MTSS1: variants seen among roughly 807,000 people sequenced by gnomAD.
The protein encoded by MTSS1 is protein MTSS 1.
In MTSS1, 18 loss-of-function variants were observed where a neutral mutation model predicts 79.0. The observed-to-expected ratio is 0.23, with a 90% CI of 0.16 to 0.34. The LOEUF (loss-of-function observed/expected upper bound fraction) is 0.34, where lower values mean the gene tolerates loss of function less well. Ranked by LOEUF, MTSS1 falls within the 10% of genes least tolerant of loss-of-function variation. The pLI is 1.00. For synonymous variants in MTSS1, 341 were observed against 368.6 expected (o/e 0.93, Z 0.86); for missense variants, 815 against 986.2 (o/e 0.83, Z 2.33).
In MTSS1 at chr8:124,589,728, G is replaced by A; in HGVS notation, c.294-17C>T. 6.6e-7 allele frequency: 1 copy of A among 1,521,954 alleles called. No homozygotes were observed. Among genetic ancestry groups the A allele is most frequent in the Non-Finnish European group, 9.1e-7 (1 of 1,102,984 alleles). 94.3% of individuals were successfully genotyped at this position (1,521,954 alleles called of 1,614,324 possible). A position where few individuals can be genotyped will look rare whatever the true frequency, so the allele number is the denominator to read the frequency against. ...ATTAAAGCGCTTTTACCAAGCGGGG[G>A]GGAAAAAGGGAGAAATTAAATAGAT... On this transcript the variant is annotated splice_polypyrimidine_tract_variant and intron_variant, in intron 4 of 13. Transcript: ENST00000518547.
intron 3 of MTSS1, among the ~76,000 whole-genome samples, chr8:124,675,625 A>G (rs1182474754): frequency 1.3e-5 from 2 of 152,198 alleles, no homozygotes; most frequent in East Asian, 3.9e-4. Flanking sequence ...CCCAAAATAA[A>G]CCCCCATGGC....
At chr8:124,624,159 C>T (rs1052364475) in intron 3 of MTSS1, among the ~76,000 whole-genome samples, 14 of 152,164 alleles carry the variant, frequency 9.2e-5, no homozygotes, top group Admixed American at 9.2e-4. Flanking sequence ...TGTCACTGTG[C>T]GAAGACTCAT....
At chr8:124,687,299 C>A (rs1020392891) in intron 3 of MTSS1, among the ~76,000 whole-genome samples, 2 of 152,142 alleles carry the variant, frequency 1.3e-5, no homozygotes, top group Non-Finnish European at 2.9e-5. Context: ...CCGGTAGGAC[C>A]ACCTGGACCA....
chr8:124,553,833 T>C lies in MTSS1; in HGVS notation c.1568-141A>G. 1.3e-6 allele frequency: 1 copy of C among 740,824 alleles called. No homozygotes were observed. The highest frequency in any genetic ancestry group is 2.1e-6 in the Non-Finnish European group (1 of 466,828). The allele number at this position is 740,824 out of a possible 1,614,324, so 45.9% of individuals were successfully genotyped here. On this transcript the variant is annotated intron_variant, in intron 13 of 13. Coordinates refer to ENST00000518547, the MANE Select transcript of MTSS1 (RefSeq NM_014751.6). This position sits in a 1 kb window ranked among gnomAD's most constrained non-coding sequence, Gnocchi z 6.0. ...GCTTCCCCCAGGCTTCTCTACCATC[T>C]TCAGAAAGCCTCACCAACTAAGAAC...
At chr8:124,616,371 T>TAA (rs68110053) in intron 3 of MTSS1, among the ~76,000 whole-genome samples, 60 of 119,622 alleles carry the variant, frequency 5.0e-4, no homozygotes, top group African/African-American at 1.5e-3. Flanking sequence ...TTTCAGGCAG[T>TAA]AAAAAAAAAA....
At chr8:124,689,967 G>A (rs1025984477) in intron 3 of MTSS1, among the ~76,000 whole-genome samples, 1 of 152,086 alleles carries the variant, frequency 6.6e-6, no homozygotes, top group Non-Finnish European at 1.5e-5. Context: ...GAGAAGAGGG[G>A]AGAATTGTCA....
intron 3 of MTSS1, among the ~76,000 whole-genome samples, chr8:124,609,647 A>G (rs1835443942): frequency 6.6e-6 from 1 of 152,190 alleles, no homozygotes; most frequent in South Asian, 2.1e-4. Flanking sequence ...GCATTCTCAC[A>G]CTTAATGCGC....
chr8:124,556,735 GCTT>G (rs1823902985), intron 11 of MTSS1, among the ~76,000 whole-genome samples: 1 of 152,262 alleles, frequency 6.6e-6, no homozygotes, highest in East Asian at 1.9e-4. Flanking sequence ...AGTACATCGT[GCTT>G]CTCCTGTCTG....
chr8:124,558,773 G>A (rs748219582), intron 10 of MTSS1: 2 of 1,584,090 alleles, frequency 1.3e-6, no homozygotes, highest in Non-Finnish European at 1.7e-6. Context: ...TGGGGGAGCT[G>A]CACTCGCTCA....
At chr8:124,595,580 C>T (rs1832617754) in intron 3 of MTSS1, among the ~76,000 whole-genome samples, 1 of 152,148 alleles carries the variant, frequency 6.6e-6, no homozygotes, top group Non-Finnish European at 1.5e-5. Context: ...ATTTTCCTGC[C>T]TCCTTCTTAT....
chr8:124,648,216 T>G (rs1819326351), intron 3 of MTSS1, among the ~76,000 whole-genome samples: 1 of 152,070 alleles, frequency 6.6e-6, no homozygotes, highest in Admixed American at 6.6e-5. Flanking sequence ...AGATTATGAG[T>G]TGATGTTCAG....
intron 3 of MTSS1, among the ~76,000 whole-genome samples, chr8:124,617,340 G>A (rs1177769597): frequency 6.6e-6 from 1 of 152,134 alleles, no homozygotes; most frequent in Non-Finnish European, 1.5e-5. Context: ...GTCCCAGGGG[G>A]CTCCCATTCA....
intron 3 of MTSS1, among the ~76,000 whole-genome samples, chr8:124,667,608 C>T (rs1398659773): frequency 6.6e-6 from 1 of 152,158 alleles, no homozygotes; most frequent in Non-Finnish European, 1.5e-5. Flanking sequence ...CACACCATTG[C>T]ACTCCAGCCT....
chr8:124,681,046 G>A (rs892432977), intron 3 of MTSS1, among the ~76,000 whole-genome samples: 1 of 152,098 alleles, frequency 6.6e-6, no homozygotes, highest in Non-Finnish European at 1.5e-5. Context: ...CCAGAGTAGA[G>A]AGGGTCCCCC....
intron 2 of MTSS1, among the ~76,000 whole-genome samples, chr8:124,702,150 G>T (rs1189188148): frequency 2.0e-5 from 3 of 152,136 alleles, no homozygotes; most frequent in Non-Finnish European, 4.4e-5. Flanking sequence ...AATTTTCTTG[G>T]TCTACTCTGA....
chr8:124,710,847 G>A (rs926230559), intron 1 of MTSS1, among the ~76,000 whole-genome samples: 2 of 152,172 alleles, frequency 1.3e-5, no homozygotes, highest in Non-Finnish European at 2.9e-5. Context: ...GGGCAACTTG[G>A]GAGGAGCCAC....
intron 2 of MTSS1, among the ~76,000 whole-genome samples, chr8:124,699,983 C>T (rs1294750186): frequency 1.3e-5 from 2 of 151,906 alleles, no homozygotes; most frequent in East Asian, 3.9e-4. Context: ...CCCGTGTCTA[C>T]AAAAAATTAG....
intron 3 of MTSS1, among the ~76,000 whole-genome samples, chr8:124,650,494 G>A (rs1241741318): frequency 3.3e-5 from 5 of 152,168 alleles, no homozygotes; most frequent in Non-Finnish European, 7.3e-5. Flanking sequence ...CAAATCCTGA[G>A]AACGTGCTAA....
intron 2 of MTSS1, among the ~76,000 whole-genome samples, chr8:124,703,654 C>G (rs969208673): frequency 1.3e-5 from 2 of 152,124 alleles, no homozygotes; most frequent in Non-Finnish European, 2.9e-5. Flanking sequence ...AACATGGACT[C>G]TGGAGCCAGA....
Sources: gnomAD v4.1 joint callset for allele counts (sites outside exome capture counted in the v4.1 genomes callset) on GRCh38, gnomAD v4.1.1 for gene constraint, Gnocchi (gnomAD v3.1) non-coding constraint, MANE v1.5 for transcripts, NCBI Gene and HGNC (gene_info 2026-07-23, HGNC 2026-07-21) for gene names.